TEX14: variants seen among roughly 807,000 people sequenced by gnomAD.
TEX14 encodes inactive serine/threonine-protein kinase TEX14.
TEX14 carries 168 observed loss-of-function variants against 178.6 expected under a neutral mutation model. That is an observed-to-expected ratio of 0.94 (90% CI 0.83 to 1.07). The LOEUF (loss-of-function observed/expected upper bound fraction) is 1.07, where lower values mean the gene tolerates loss of function less well. TEX14 is among the 50% of genes least tolerant of loss of function. TEX14 has a pLI of 0.00. For synonymous variants in TEX14, 626 were observed against 634.1 expected (o/e 0.99, Z 0.19); for missense variants, 1,730 against 1,753.6 (o/e 0.99, Z 0.24).
intron 2 of TEX14, among the ~76,000 whole-genome samples, chr17:58,643,820 C>T (rs1237723723): frequency 1.5e-5 from 2 of 133,968 alleles, no homozygotes; most frequent in African/African-American, 2.8e-5. Context: ...TGCAGTGAGC[C>T]GAGATTGCGC....
At chr17:58,670,055 T>C (rs1376981110) in intron 1 of TEX14, among the ~76,000 whole-genome samples, 4 of 152,192 alleles carry the variant, frequency 2.6e-5, no homozygotes, top group Admixed American at 1.3e-4. Context: ...AGCCTTTGCC[T>C]GTGTAGTTCC....
At chr17:58,643,874 CAAAAAAAA>C (rs71143262) in intron 2 of TEX14, among the ~76,000 whole-genome samples, 7 of 20,512 alleles carry the variant, frequency 3.4e-4, no homozygotes, top group African/African-American at 9.8e-4. Context: ...GACTCTGTCT[CAAAAAAAA>C]AAAAAAAAAA....
chr17:58,681,023 T>G lies in TEX14; in HGVS notation c.-2+10916A>C, dbSNP rs1283632741. 5.3e-5 allele frequency among the ~76,000 whole-genome samples: 8 copies of G among 152,278 alleles called. No individual in the cohort carries two copies. In the South Asian group the frequency reaches 8.3e-4, roughly 16 times the overall value. The stretch of plus-strand genomic sequence containing the variant: ...TGGGCCAGGTGCAGTGGCTCACACC[T>G]GTAATCCCAGCACTTTGGGAGGCTG... On this transcript the variant is annotated intron_variant, in intron 1 of 31. Transcript: ENST00000349033.
chr17:58,602,839 G>A (rs756650538), intron 11 of TEX14, among the ~76,000 whole-genome samples: 3 of 151,608 alleles, frequency 2.0e-5, no homozygotes, highest in East Asian at 1.9e-4. Flanking sequence ...AGGCCGAGGC[G>A]GGTGGATCAC....
chr17:58,659,317 T>G (rs1013422399), intron 1 of TEX14: 5 of 980,938 alleles, frequency 5.1e-6, no homozygotes, highest in South Asian at 4.7e-5. Flanking sequence ...ATTTACTTAA[T>G]ATTGCTAATA....
In TEX14 at chr17:58,655,090, A is replaced by G. The variant is rs1382636030; in HGVS notation, c.-1-3088T>C. ...TGCTCTGTTGCCCAGGCTGAAGTGC[A>G]GTGGTGAGAATGGCTGAAGTGCAGC... On this transcript the variant is annotated intron_variant, in intron 1 of 31. Transcript: ENST00000349033. 7.7e-5 allele frequency among the ~76,000 whole-genome samples: 11 copies of G among 143,078 alleles called. 1 individual carries two copies. The Admixed American group carries it at 7.9e-4, about 10-fold the overall frequency. The allele number at this position is 143,078 out of a possible 152,430, so 93.9% of individuals were successfully genotyped here.
intron 1 of TEX14, chr17:58,659,311 A>G (rs953687755): frequency 3.1e-6 from 3 of 976,646 alleles, no homozygotes; most frequent in African/African-American, 3.5e-5. Context: ...GACATTATTT[A>G]CTTAATATTG....
At chr17:58,623,393 A>G (rs1598395259) in intron 3 of TEX14, among the ~76,000 whole-genome samples, 2 of 152,300 alleles carry the variant, frequency 1.3e-5, no homozygotes, top group African/African-American at 4.8e-5. Context: ...TCACACCTGC[A>G]GTGTCCTGGG....
chr17:58,613,602 T>C (rs2045799837), intron 8 of TEX14, 58 bp from the exon 9 acceptor site: 2 of 1,572,204 alleles, frequency 1.3e-6, no homozygotes, highest in Admixed American at 3.5e-5. Flanking sequence ...GATGAAAAAA[T>C]GAGCGTAGGC....
chr17:58,573,434 G>C (rs2044590595), intron 22 of TEX14, 126 bp from the exon 23 acceptor site: 2 of 795,954 alleles, frequency 2.5e-6, no homozygotes, highest in South Asian at 1.7e-5. Flanking sequence ...GCCAGAATTA[G>C]AGAATATCTT....
intron 1 of TEX14, among the ~76,000 whole-genome samples, chr17:58,654,457 T>C (rs533351448): frequency 8.7e-5 from 13 of 150,180 alleles, no homozygotes; most frequent in African/African-American, 2.9e-4. Context: ...CTTATAGGCA[T>C]GGACCTTGAA....
chr17:58,620,472 A>G (rs2045972409), intron 5 of TEX14, among the ~76,000 whole-genome samples: 1 of 151,836 alleles, frequency 6.6e-6, no homozygotes, highest in Admixed American at 6.6e-5. Context: ...TGGAACTATG[A>G]GGAGCACACC....
intron 10 of TEX14, among the ~76,000 whole-genome samples, chr17:58,607,692 T>C (rs1226606149): frequency 1.3e-5 from 2 of 152,240 alleles, no homozygotes; most frequent in Admixed American, 6.5e-5. Context: ...GGTACCTTTC[T>C]CTCAATAGCA....
At chr17:58,619,847 A>G (rs2045958212) in intron 5 of TEX14, among the ~76,000 whole-genome samples, 1 of 151,900 alleles carries the variant, frequency 6.6e-6, no homozygotes, top group Non-Finnish European at 1.5e-5. Context: ...TTTCCATGTA[A>G]GCATTCCATT....
rs1369888509 is a variant in TEX14, at chr17:58,557,137, C to G, written c.4320-90G>C. On this transcript the variant is annotated intron_variant, in intron 31 of 31. Coordinates refer to ENST00000349033, the MANE Select transcript of TEX14 (RefSeq NM_031272.5). ...ACACAAACCACATCCTCTTTCTATT[C>G]AATTAAATTCAAGGGAAAGGAATTT... The G allele has an allele frequency of 3.5e-5, 37 of 1,059,586 alleles. 1 individual carries two copies. The South Asian group carries it at 3.7e-4, about 11-fold the overall frequency. The allele number at this position is 1,059,586 out of a possible 1,614,324, so 65.6% of individuals were successfully genotyped here.
chr17:58,585,193 G>A (rs2144409410), intron 18 of TEX14, among the ~76,000 whole-genome samples: 2 of 152,252 alleles, frequency 1.3e-5, no homozygotes, highest in Middle Eastern at 6.8e-3. Flanking sequence ...GGTAAAGAAG[G>A]ATCGATTCCT....
rs759771930 is a variant in TEX14 at position 58,564,937 on chromosome 17, G to A, written c.3996C>T (p.Asp1332=). Residue 1332 remains aspartate (D), a synonymous_variant, in exon 28 of 32, where the codon GAC becomes GAT. Coordinates refer to ENST00000349033, the MANE Select transcript of TEX14 (RefSeq NM_031272.5). Reference sequence around the variant, plus strand: ...GCATACTACTATCTTCTTTTTTACTGTCAGTTTCTTGTTCTTCTAAGTGCC... The same window carrying A: ...GCATACTACTATCTTCTTTTTTACTATCAGTTTCTTGTTCTTCTAAGTGCC... ...DQRHLEEQET[D]SKKEDSSMLL... is the part of the protein sequence containing the mutation. The A allele has an allele frequency of 6.2e-7, 1 of 1,607,154 alleles. No individual in the cohort carries two copies. Among genetic ancestry groups the A allele is most frequent in the Admixed American group, 1.7e-5 (1 of 59,032 alleles).
chr17:58,674,742 C>T (rs150558), intron 1 of TEX14, among the ~76,000 whole-genome samples: 9 of 149,032 alleles, frequency 6.0e-5, no homozygotes, highest in African/African-American at 2.2e-4. Flanking sequence ...GGAATGATTT[C>T]TTACATATGA....
At chr17:58,585,178 C>T (rs2044923740) in intron 18 of TEX14, among the ~76,000 whole-genome samples, 1 of 152,118 alleles carries the variant, frequency 6.6e-6, no homozygotes, top group Non-Finnish European at 1.5e-5. Context: ...CTACCTCTAT[C>T]CCCAGGTAAA....
Sources: gnomAD v4.1 joint callset for allele counts (sites outside exome capture counted in the v4.1 genomes callset) on GRCh38, gnomAD v4.1.1 for gene constraint, MANE v1.5 for transcripts, NCBI Gene and HGNC (gene_info 2026-07-23, HGNC 2026-07-21) for gene names.